Variants in QTGAL observed in about 807,000 individuals in gnomAD.
The protein encoded by QTGAL is BGnT-like protein 1.
chr17:82,952,226 C>G, the QTGAL span, among the ~76,000 whole-genome samples: 1 of 152,176 alleles, frequency 6.6e-6, no homozygotes, highest in Non-Finnish European at 1.5e-5. Flanking sequence ...GGCCTCACGG[C>G]TTCTGCGGGG....
the QTGAL span, among the ~76,000 whole-genome samples, chr17:83,012,881 T>G: frequency 6.6e-6 from 1 of 151,924 alleles, no homozygotes; most frequent in African/African-American, 2.4e-5. Context: ...CACCTGTGGC[T>G]GGGGTAGAAA....
chr17:82,942,855 G>A, the QTGAL span: 55 of 303,694 alleles, frequency 1.8e-4, no homozygotes, highest in African/African-American at 9.2e-4. Flanking sequence ...TGTGGGAGAC[G>A]TCTGGCCACA....
At chr17:82,980,641 A>C in the QTGAL span, among the ~76,000 whole-genome samples, 1 of 152,194 alleles carries the variant, frequency 6.6e-6, no homozygotes, top group Non-Finnish European at 1.5e-5. Flanking sequence ...TTATTCAAGG[A>C]TACAGATGAA....
the QTGAL span, among the ~76,000 whole-genome samples, chr17:82,969,132 A>G: frequency 1.5e-5 from 1 of 68,212 alleles, no homozygotes; most frequent in Non-Finnish European, 4.2e-5. Context: ...ACTCCATTTC[A>G]GGAAAAAAAA....
chr17:83,034,777 G>A, the QTGAL span, among the ~76,000 whole-genome samples: 7 of 152,176 alleles, frequency 4.6e-5, no homozygotes, highest in Admixed American at 2.6e-4. Flanking sequence ...CTCTCTCATC[G>A]GCCGCCACGT....
the QTGAL span, among the ~76,000 whole-genome samples, chr17:82,946,584 G>GTGTGTGTGTGTGTGTGTGTGTA: frequency 1.3e-5 from 2 of 151,934 alleles, no homozygotes; most frequent in African/African-American, 2.4e-5. Context: ...GTGTGTGTGT[G>GTGTGTGTGTGTGTGTGTGTGTA]TACACAGAAA....
the QTGAL span, among the ~76,000 whole-genome samples, chr17:82,990,852 T>C: frequency 1.3e-5 from 2 of 152,088 alleles, no homozygotes; most frequent in African/African-American, 4.8e-5. Flanking sequence ...CAGAGCCTGC[T>C]CTCTCTCCCT....
At chr17:82,962,174 A>G in the QTGAL span, among the ~76,000 whole-genome samples, 1 of 152,148 alleles carries the variant, frequency 6.6e-6, no homozygotes, top group Admixed American at 6.5e-5. Context: ...GCAGGTCAGT[A>G]AAGTCCCCAA....
the QTGAL span, chr17:82,961,395 A>T: frequency 4.3e-5 from 11 of 253,934 alleles, no homozygotes; most frequent in East Asian, 3.0e-4. Context: ...AAAGAGGGGA[A>T]GGGAGGGTGG....
At chr17:83,006,425 G>A in the QTGAL span, 3 of 984,974 alleles carry the variant, frequency 3.0e-6, no homozygotes, top group Non-Finnish European at 3.6e-6. The surrounding 1 kb of genome is among the most constrained non-coding windows in gnomAD (Gnocchi z 5.8). Flanking sequence ...CATTGCAGCT[G>A]TAAGAAACAA....
chr17:83,005,619 T>A, the QTGAL span: 1 of 702,838 alleles, frequency 1.4e-6, no homozygotes, highest in Non-Finnish European at 2.6e-6. The surrounding 1 kb of genome is among the most constrained non-coding windows in gnomAD (Gnocchi z 5.6). Flanking sequence ...CCGCTGCCTG[T>A]CCGCAGGCCG....
the QTGAL span, among the ~76,000 whole-genome samples, chr17:82,977,298 T>A: frequency 1.3e-5 from 2 of 152,088 alleles, no homozygotes; most frequent in Admixed American, 1.3e-4. Flanking sequence ...CGTGTTTGCA[T>A]CCGTGACTTT....
chr17:82,970,549 C>CA, the QTGAL span, among the ~76,000 whole-genome samples: 2,462 of 137,338 alleles, frequency 0.018, 560 homozygotes, highest in East Asian at 0.035. Context: ...CCTCCGCACC[C>CA]GGCGTGGCCG....
the QTGAL span, among the ~76,000 whole-genome samples, chr17:82,956,461 C>G: frequency 1.3e-5 from 2 of 152,342 alleles, no homozygotes; most frequent in African/African-American, 4.8e-5. The surrounding 1 kb of genome is among the most constrained non-coding windows in gnomAD (Gnocchi z 5.7). Context: ...ATCCATCCCC[C>G]CCACACCCAT....
the QTGAL span, chr17:83,005,148 G>T: frequency 6.2e-7 from 1 of 1,609,700 alleles, no homozygotes; most frequent in Non-Finnish European, 8.5e-7. The surrounding 1 kb of genome is among the most constrained non-coding windows in gnomAD (Gnocchi z 5.6). Flanking sequence ...TCAGCTGGTT[G>T]ATCCAACGTG....
At chr17:83,043,315 G>T in the QTGAL span, among the ~76,000 whole-genome samples, 1 of 152,194 alleles carries the variant, frequency 6.6e-6, no homozygotes, top group African/African-American at 2.4e-5. Flanking sequence ...GCAATTATAT[G>T]AAGTATCTTC....
the QTGAL span, among the ~76,000 whole-genome samples, chr17:83,033,476 T>C: frequency 3.1e-5 from 2 of 65,156 alleles, no homozygotes; most frequent in South Asian, 8.5e-4. Context: ...AGTTATATGC[T>C]TTTTTTTTTT....
the QTGAL span, among the ~76,000 whole-genome samples, chr17:83,016,081 G>A: frequency 6.6e-6 from 1 of 152,146 alleles, no homozygotes; most frequent in East Asian, 1.9e-4. Flanking sequence ...TGATCGAGTG[G>A]TAGCTACACA....
the QTGAL span, among the ~76,000 whole-genome samples, chr17:82,989,749 C>A: frequency 6.6e-6 from 1 of 151,822 alleles, no homozygotes; most frequent in African/African-American, 2.4e-5. Flanking sequence ...AGAAATGATG[C>A]AAAGGTGAAA....
Sources: gnomAD v4.1 joint callset for allele counts (sites outside exome capture counted in the v4.1 genomes callset) on GRCh38, gnomAD v4.1.1 for gene constraint, Gnocchi (gnomAD v3.1) non-coding constraint, MANE v1.5 for transcripts, NCBI Gene and HGNC (gene_info 2026-07-23, HGNC 2026-07-21) for gene names.